Variants in FAM169A observed in about 807,000 individuals in gnomAD.
FAM169A encodes soluble lamin-associated protein of 75 kDa.
In FAM169A, 24 loss-of-function variants were observed where a neutral mutation model predicts 75.7. The ratio of observed to expected loss-of-function variants is 0.32; its 90% CI spans 0.23 to 0.45. The LOEUF (loss-of-function observed/expected upper bound fraction) is 0.45, where lower values mean the gene tolerates loss of function less well. Ranked by LOEUF, FAM169A falls within the 20% of genes least tolerant of loss-of-function variation. FAM169A has a pLI of 1.00. For synonymous variants in FAM169A, 271 were observed against 271.0 expected (o/e 1.00, Z 0.00); for missense variants, 673 against 784.0 (o/e 0.86, Z 1.69).
chr5:74,835,971 A>T (rs1748553498), intron 4 of FAM169A, among the ~76,000 whole-genome samples: 1 of 152,206 alleles, frequency 6.6e-6, no homozygotes, highest in Non-Finnish European at 1.5e-5. Context: ...GCAATGTTAA[A>T]CATGGTTATA....
Position 74,834,451 on chromosome 5 carries a change from A to T in FAM169A, c.465T>A (p.Ile155=). The change falls in exon 5 of 13, where the codon ATT becomes ATA. Residue 155 remains isoleucine (I), a synonymous_variant. Coordinates refer to ENST00000687041, the MANE Select transcript of FAM169A (RefSeq NM_001376049.1). ...CTGTAGGCTTAACTGAATAAAACCC[A>T]ATGGCCTCTCCTTTCTTCCACAGAA... ...AKILWKKGEA[I]GFYSVKPTGS... The T allele has an allele frequency of 6.4e-7, 1 of 1,556,188 alleles. No individual in the cohort carries two copies. Among genetic ancestry groups the T allele is most frequent in the Non-Finnish European group, 8.7e-7 (1 of 1,149,952 alleles).
At chr5:74,847,948 G>C (rs1392319473) in intron 1 of FAM169A, among the ~76,000 whole-genome samples, 1 of 151,874 alleles carries the variant, frequency 6.6e-6, no homozygotes, top group Non-Finnish European at 1.5e-5. Context: ...GAGCACCAGG[G>C]GAGAAACCCC....
Position 74,799,001 on chromosome 5 carries a change from T to C in FAM169A, c.1103+1879A>G, listed in dbSNP as rs1310863065. On this transcript the variant is annotated intron_variant, in intron 10 of 12. Transcript: ENST00000687041. ...TTGAAAACACTAAGAATAATGTCACTGCATCAGTTTTTACTAGAGCCAATC... is the reference window on the plus strand; with the variant it reads ...TTGAAAACACTAAGAATAATGTCACCGCATCAGTTTTTACTAGAGCCAATC... 3.4e-6 allele frequency: 4 copies of C among 1,187,024 alleles called. No individual in the cohort carries two copies. The East Asian group carries it at 7.2e-5, about 21-fold the overall frequency. 73.5% of individuals were successfully genotyped at this position (1,187,024 alleles called of 1,614,324 possible).
chr5:74,852,202 T>G (rs1285596725), intron 1 of FAM169A, among the ~76,000 whole-genome samples: 1 of 152,174 alleles, frequency 6.6e-6, no homozygotes, highest in Non-Finnish European at 1.5e-5. Flanking sequence ...AATATAACCA[T>G]GGGCTGCCAT....
At position 74,841,625 on chromosome 5, in the gene FAM169A, T is replaced by C. The variant is rs1472350036; in HGVS notation, c.52A>G (p.Asn18Asp). 6.2e-7 allele frequency: 1 copy of C among 1,613,098 alleles called. No homozygotes were observed. The highest frequency in any genetic ancestry group is 8.5e-7 in the Non-Finnish European group (1 of 1,179,394). ...TCTGACATGTAATCTTCAGCAGAAT[T>C]TTCCAATTCCTCATGGCTGCAATTT... is the stretch of plus-strand genomic sequence containing the variant. The part of the protein sequence containing the change: ...LENCSHEELE[N>D]SAEDYMSDLR... Residue 18 changes from asparagine (N) to aspartate (D), a missense_variant, in exon 2 of 13, where the codon AAT becomes GAT. Transcript: ENST00000687041.
Position 74,801,704 on chromosome 5 carries a change from T to C in FAM169A, c.913-75A>G, listed in dbSNP as rs570940119. 2.1e-5 allele frequency: 23 copies of C among 1,112,438 alleles called. No individual in the cohort carries two copies. The South Asian group carries it at 2.1e-4, about 10-fold the overall frequency. 68.9% of individuals were successfully genotyped at this position (1,112,438 alleles called of 1,614,324 possible). ...CTATGGATCTATTTCACTTATAGTTTCAAAGAAAAACTTGTAAAATGTTTT... is the reference window on the plus strand; with the variant it reads ...CTATGGATCTATTTCACTTATAGTTCCAAAGAAAAACTTGTAAAATGTTTT... On this transcript the variant is annotated intron_variant, in intron 8 of 12. Transcript: ENST00000687041.
intron 1 of FAM169A, among the ~76,000 whole-genome samples, chr5:74,857,572 GA>G (rs35476827): frequency 0.051 from 2,840 of 55,800 alleles, 6 homozygotes; most frequent in Non-Finnish European, 0.072. Context: ...CTTGCCGCGG[GA>G]AAAAAAAAAA....
At chr5:74,816,555 C>T (rs1747481485) in intron 5 of FAM169A, among the ~76,000 whole-genome samples, 1 of 152,118 alleles carries the variant, frequency 6.6e-6, no homozygotes. Context: ...CATACTGGTT[C>T]TCTTCCTTCA....
chr5:74,811,436 T>C (rs893409642), intron 6 of FAM169A, among the ~76,000 whole-genome samples: 1 of 152,204 alleles, frequency 6.6e-6, no homozygotes, highest in Non-Finnish European at 1.5e-5. Flanking sequence ...TTTAGGACTA[T>C]CCAAGGACAC....
In FAM169A at chr5:74,781,540, G is replaced by A; in HGVS notation, c.1933C>T (p.Pro645Ser). Residue 645 changes from proline to serine, a missense_variant, in exon 13 of 13, where the codon CCT becomes TCT. Transcript: ENST00000687041. ...CTTAAATTCCGCCTGTCTACCACAG[G>A]CACTTCCACTTCTATTTCCTCTGAG... ...SSSEEIEVEV[P>S]VVDRRNLRRK... is the part of the protein sequence containing the mutation. 6.2e-7 allele frequency: 1 copy of A among 1,614,078 alleles called. No homozygotes were observed. Among genetic ancestry groups the A allele is most frequent in the Non-Finnish European group, 8.5e-7 (1 of 1,179,988 alleles).
intron 6 of FAM169A, among the ~76,000 whole-genome samples, chr5:74,810,751 CAAAA>C (rs750402413): frequency 9.5e-5 from 5 of 52,552 alleles, no homozygotes; most frequent in African/African-American, 1.7e-4. Flanking sequence ...GACTCCGTCT[CAAAA>C]AAAAAAAAAA....
chr5:74,844,540 C>A (rs1749050244), intron 1 of FAM169A, among the ~76,000 whole-genome samples: 1 of 152,152 alleles, frequency 6.6e-6, no homozygotes, highest in African/African-American at 2.4e-5. Flanking sequence ...AACTTATGGG[C>A]CAGACACAGT....
At chr5:74,853,407 G>C (rs1475621349) in intron 1 of FAM169A, among the ~76,000 whole-genome samples, 1 of 152,084 alleles carries the variant, frequency 6.6e-6, no homozygotes, top group African/African-American at 2.4e-5. Flanking sequence ...CTTTCTGAAT[G>C]AGGAGCCTCA....
chr5:74,804,853 C>A (rs755680160), intron 7 of FAM169A, among the ~76,000 whole-genome samples: 7 of 152,100 alleles, frequency 4.6e-5, no homozygotes, highest in Non-Finnish European at 7.4e-5. Flanking sequence ...GTACTTTGGA[C>A]CCCCTGGTGC....
rs559357902 is a variant in FAM169A at position 74,841,829 on chromosome 5, G to A, written c.-3-150C>T. ...TGCCCGCAGAATACAACTTGAACCTGCTGATTTAACCATGCATGTCAAAAA... is the reference window on the plus strand; with the variant it reads ...TGCCCGCAGAATACAACTTGAACCTACTGATTTAACCATGCATGTCAAAAA... On this transcript the variant is annotated intron_variant, in intron 1 of 12. Transcript: ENST00000687041. 26 of 632,364 alleles carry A rather than the reference G, an allele frequency of 4.1e-5. No homozygotes were observed. In the South Asian group the frequency reaches 4.2e-4, roughly 10 times the overall value. 39.2% of individuals were successfully genotyped at this position (632,364 alleles called of 1,614,324 possible). A position where few individuals can be genotyped will look rare whatever the true frequency, so the allele number is the denominator to read the frequency against.
In FAM169A at chr5:74,799,666, G is replaced by A. The variant is rs560651821; in HGVS notation, c.1103+1214C>T. ...GAGCCACCTGGCCTGGGCCAGCCACGACAGCACCATGTCTGCTGCTGATGC... is the reference window on the plus strand; with the variant it reads ...GAGCCACCTGGCCTGGGCCAGCCACAACAGCACCATGTCTGCTGCTGATGC... On this transcript the variant is annotated intron_variant, in intron 10 of 12. Coordinates refer to ENST00000687041, the MANE Select transcript of FAM169A (RefSeq NM_001376049.1). The A allele has an allele frequency of 4.6e-5, 60 of 1,312,270 alleles. No individual in the cohort carries two copies. In the South Asian group the frequency reaches 5.8e-4, roughly 13 times the overall value. The allele number at this position is 1,312,270 out of a possible 1,614,324, so 81.3% of individuals were successfully genotyped here.
Position 74,778,217 on chromosome 5 carries a change from G to A in FAM169A, c.*3243C>T, listed in dbSNP as rs1349164625. 4 of 151,942 alleles carry A rather than the reference G, an allele frequency of 2.6e-5. No homozygotes were observed. The highest frequency in any genetic ancestry group is 4.8e-5 in the African/African-American group (2 of 41,416). 9.4% of individuals were successfully genotyped at this position (151,942 alleles called of 1,614,324 possible). A position where few individuals can be genotyped will look rare whatever the true frequency, so the allele number is the denominator to read the frequency against. ...AACATTTGTAACTAATCACACCCAT[G>A]AAAGACGACTAGATGACACCTGAAA... is the stretch of plus-strand genomic sequence containing the variant. On this transcript the variant is annotated 3_prime_UTR_variant, in exon 13 of 13. Transcript: ENST00000687041.
intron 6 of FAM169A, among the ~76,000 whole-genome samples, chr5:74,810,751 C>CAAAAA (rs750402413): frequency 5.7e-5 from 3 of 52,550 alleles, no homozygotes; most frequent in African/African-American, 2.6e-4. Context: ...GACTCCGTCT[C>CAAAAA]AAAAAAAAAA....
intron 11 of FAM169A, among the ~76,000 whole-genome samples, chr5:74,789,171 T>G (rs192003969): frequency 2.1e-4 from 32 of 152,334 alleles, no homozygotes; most frequent in Admixed American, 3.3e-4. Context: ...TTCCACAAGT[T>G]ATCACACTGG....
Sources: gnomAD v4.1 joint callset for allele counts (sites outside exome capture counted in the v4.1 genomes callset) on GRCh38, gnomAD v4.1.1 for gene constraint, MANE v1.5 for transcripts, NCBI Gene and HGNC (gene_info 2026-07-23, HGNC 2026-07-21) for gene names.